Variants in KIF25 observed in about 807,000 individuals in gnomAD.
The protein encoded by KIF25 is kinesin family member 25.
A neutral mutation model predicts 32.9 loss-of-function variants in KIF25; 19 were observed. The observed-to-expected ratio is 0.58, with a 90% CI of 0.40 to 0.85. The LOEUF is 0.85. Ranked by LOEUF, KIF25 falls within the 40% of genes least tolerant of loss-of-function variation. The pLI is 0.00. For synonymous variants in KIF25, 225 were observed against 213.7 expected (o/e 1.05, Z -0.46); for missense variants, 485 against 507.0 (o/e 0.96, Z 0.42).
intron 2 of KIF25, among the ~76,000 whole-genome samples, chr6:168,002,020 G>A (rs1798512743): frequency 7.4e-6 from 1 of 135,260 alleles, no homozygotes. Context: ...CCTGAGGCGT[G>A]GCCTCGGGCA....
chr6:168,013,402 G>C (rs903966694), intron 4 of KIF25, among the ~76,000 whole-genome samples: 1 of 152,050 alleles, frequency 6.6e-6, no homozygotes, highest in Non-Finnish European at 1.5e-5. Context: ...TCAGCCACCC[G>C]TGTAGGCTTG....
chr6:168,016,099 G>A (rs553046587), intron 4 of KIF25, among the ~76,000 whole-genome samples: 25 of 152,240 alleles, frequency 1.6e-4, no homozygotes, highest in African/African-American at 4.8e-4. Flanking sequence ...AAAATATGCC[G>A]CGAGAAAGGA....
rs139788522 is a variant in KIF25 at position 168,018,755 on chromosome 6, C to T, written c.-95+715C>T. Among the ~76,000 whole-genome samples the T allele has an allele frequency of 4.6e-5, 7 of 152,298 alleles. No homozygotes were observed. In the East Asian group the frequency reaches 1.2e-3, roughly 25 times the overall value. ...AGCTACCAAGGGCTGGCTGAGTGGT[C>T]CTGCTCCCAGGCTCTGTCCTCCTGC... On this transcript the variant is annotated intron_variant, in intron 5 of 12. Coordinates refer to ENST00000643607, the MANE Select transcript of KIF25 (RefSeq NM_030615.4).
intron 9 of KIF25, among the ~76,000 whole-genome samples, chr6:168,039,616 C>T (rs528539637): frequency 6.6e-6 from 1 of 152,326 alleles, no homozygotes; most frequent in Admixed American, 6.5e-5. Flanking sequence ...AAAATTTGAG[C>T]CTTTGACTGA....
chr6:168,038,810 C>T (rs557383529), intron 9 of KIF25, 81 bp downstream of exon 9: 68 of 1,406,526 alleles, frequency 4.8e-5, no homozygotes, highest in Middle Eastern at 5.2e-4. Flanking sequence ...GGAGGCTGCA[C>T]GTCTCTAAAC....
At chr6:168,037,126 C>T (rs1799035921) in intron 8 of KIF25, among the ~76,000 whole-genome samples, 1 of 152,236 alleles carries the variant, frequency 6.6e-6, no homozygotes, top group Non-Finnish European at 1.5e-5. Context: ...TCATGTTTCA[C>T]TGTTGCACAC....
intron 5 of KIF25, among the ~76,000 whole-genome samples, chr6:168,024,423 C>CTCT (rs1798830658): frequency 3.2e-5 from 2 of 61,942 alleles, no homozygotes; most frequent in Admixed American, 2.1e-4. Context: ...AAACCTCTCT[C>CTCT]TTTTTTTTTT....
intron 4 of KIF25, among the ~76,000 whole-genome samples, chr6:168,014,430 G>T (rs966884167): frequency 3.1e-4 from 47 of 152,274 alleles, no homozygotes; most frequent in African/African-American, 1.1e-3. Flanking sequence ...CGTCAAAATA[G>T]AATAAAATTT....
intron 5 of KIF25, among the ~76,000 whole-genome samples, chr6:168,023,128 G>A (rs2114888456): frequency 6.6e-6 from 1 of 152,266 alleles, no homozygotes; most frequent in East Asian, 1.9e-4. Context: ...TGTCTCCAGA[G>A]GGCAGAAAAC....
chr6:168,040,769 A>C (rs1232862216), intron 10 of KIF25, among the ~76,000 whole-genome samples: 1 of 152,238 alleles, frequency 6.6e-6, no homozygotes, highest in Admixed American at 6.5e-5. Context: ...ATAATGCAGA[A>C]AGAAAAGCAG....
intron 9 of KIF25, 94 bp downstream of exon 9, chr6:168,038,823 G>A (rs1322600557): frequency 1.6e-6 from 2 of 1,280,614 alleles, no homozygotes; most frequent in Non-Finnish European, 2.2e-6. Flanking sequence ...CTCTAAACGA[G>A]CTCCCCACGC....
chr6:168,016,099 G>T (rs553046587), intron 4 of KIF25, among the ~76,000 whole-genome samples: 1 of 152,122 alleles, frequency 6.6e-6, no homozygotes, highest in East Asian at 1.9e-4. Context: ...AAAATATGCC[G>T]CGAGAAAGGA....
chr6:168,007,266 G>T (rs1306696349), intron 4 of KIF25, among the ~76,000 whole-genome samples: 1 of 152,132 alleles, frequency 6.6e-6, no homozygotes, highest in Non-Finnish European at 1.5e-5. Flanking sequence ...CAAAAAATTA[G>T]CTGGGCGTGG....
intron 7 of KIF25, among the ~76,000 whole-genome samples, chr6:168,033,590 C>T (rs1002676358): frequency 6.6e-6 from 1 of 151,840 alleles, no homozygotes; most frequent in Non-Finnish European, 1.5e-5. Context: ...GAATGCTGAG[C>T]TGGTGGATGG....
intron 5 of KIF25, among the ~76,000 whole-genome samples, chr6:168,026,371 C>T (rs139633737): frequency 0.011 from 1,735 of 152,234 alleles, 39 homozygotes; most frequent in African/African-American, 0.04. Context: ...AGAATTTGTG[C>T]AACTTGCTGT....
At chr6:168,014,512 C>T (rs918809158) in intron 4 of KIF25, among the ~76,000 whole-genome samples, 2 of 152,216 alleles carry the variant, frequency 1.3e-5, no homozygotes, top group African/African-American at 2.4e-5. Flanking sequence ...TAGGCCTGTT[C>T]ATTGAAGGGC....
At chr6:168,043,292 G>A (rs186744909) in intron 12 of KIF25, among the ~76,000 whole-genome samples, 8 of 152,302 alleles carry the variant, frequency 5.3e-5, no homozygotes, top group Admixed American at 3.3e-4. Context: ...GAAGCATTGC[G>A]GCTCTTCCTG....
At chr6:168,006,629 G>A (rs1798583195) in intron 4 of KIF25, among the ~76,000 whole-genome samples, 1 of 152,152 alleles carries the variant, frequency 6.6e-6, no homozygotes, top group Non-Finnish European at 1.5e-5. Flanking sequence ...GCTTATTATG[G>A]TGATCACAAG....
In KIF25 at chr6:168,002,219, A is replaced by G. The variant is rs113943888; in HGVS notation, c.-369-324A>G. Among the ~76,000 whole-genome samples, 473 of 59,560 alleles carry G rather than the reference A, an allele frequency of 7.9e-3. 72 individuals are homozygous for G. Among genetic ancestry groups the G allele is most frequent in the Admixed American group, 0.011 (64 of 5,856 alleles). The allele number at this position is 59,560 out of a possible 152,430, so 39.1% of individuals were successfully genotyped here. On this transcript the variant is annotated intron_variant, in intron 2 of 12. Transcript: ENST00000643607. ...GGCAGGGGAGAAGACACCTTCAGGC[A>G]TAGCCTCGGGCAGGTGAGAAAGACA...
Sources: gnomAD v4.1 joint callset for allele counts (sites outside exome capture counted in the v4.1 genomes callset) on GRCh38, gnomAD v4.1.1 for gene constraint, MANE v1.5 for transcripts, NCBI Gene and HGNC (gene_info 2026-07-23, HGNC 2026-07-21) for gene names.